The following ZFHX3 variants were observed in gnomAD, a reference collection of about 807,000 sequenced individuals.
ZFHX3 encodes the protein zinc finger homeobox 3.
In ZFHX3, 42 loss-of-function variants were observed where a neutral mutation model predicts 279.1. The ratio of observed to expected loss-of-function variants is 0.15; its 90% CI spans 0.12 to 0.19. The LOEUF is 0.19. Among genes scored for constraint, ZFHX3 ranks in the 10% least tolerant of loss-of-function variants. The pLI is 1.00. For missense variants in ZFHX3, 4,981 were observed against 4,754.0 expected (o/e 1.05, Z -1.40); for synonymous variants, 2,293 against 1,957.8 (o/e 1.17, Z -4.52).
chr16:73,581,432 C>T (rs2143824514), intron 2 of ZFHX3, among the ~76,000 whole-genome samples: 1 of 151,840 alleles, frequency 6.6e-6, no homozygotes. Context: ...CCTTTATTCA[C>T]ATTTGAAACC....
intron 4 of ZFHX3, among the ~76,000 whole-genome samples, chr16:73,311,023 T>C (rs1249711114): frequency 7.0e-6 from 1 of 142,826 alleles, no homozygotes; most frequent in Non-Finnish European, 1.5e-5. Flanking sequence ...ACCTGAGGTC[T>C]GGAGTTTGAG....
chr16:73,204,834 A>T (rs746207448), intron 5 of ZFHX3, among the ~76,000 whole-genome samples: 4 of 152,306 alleles, frequency 2.6e-5, no homozygotes, highest in Non-Finnish European at 5.9e-5. Flanking sequence ...GGCTTTCCTC[A>T]TTTTAAAGAG....
chr16:73,626,200 A>T (rs2052415050), intron 2 of ZFHX3, among the ~76,000 whole-genome samples: 1 of 152,282 alleles, frequency 6.6e-6, no homozygotes, highest in South Asian at 2.1e-4. Flanking sequence ...TACATAATAA[A>T]TTTCACACAT....
chr16:73,568,435 A>C (rs1465200386), intron 2 of ZFHX3, among the ~76,000 whole-genome samples: 1 of 152,176 alleles, frequency 6.6e-6, no homozygotes, highest in East Asian at 1.9e-4. Flanking sequence ...CAAAACAGGA[A>C]CATGCATTCC....
intron 3 of ZFHX3, among the ~76,000 whole-genome samples, chr16:72,933,813 CTTTTTTTTTTTT>C (rs71391468): frequency 8.9e-6 from 1 of 112,458 alleles, no homozygotes; most frequent in Non-Finnish European, 2.0e-5. Context: ...TCACAACTTT[CTTTTTTTTTTTT>C]TTTTTTTTTT....
Position 72,958,049 on chromosome 16 carries a change from G to C in ZFHX3, c.2097C>G (p.Gly699=). ...HMKEKHPEPG[G]SCVYCKSGQP... is the part of the protein sequence containing the mutation. ...GCCCGCTTTTGCAGTAGACACAGGA[G>C]CCCCCCGGCTCCGGGTGCTTCTCCT... The change falls in exon 2 of 10, where the codon GGC becomes GGG. Residue 699 remains glycine (G), a synonymous_variant. Coordinates refer to ENST00000268489, the MANE Select transcript of ZFHX3 (RefSeq NM_006885.4). 5 of 1,613,664 alleles carry C rather than the reference G, an allele frequency of 3.1e-6. No individual in the cohort carries two copies. The highest frequency in any genetic ancestry group is 4.2e-6 in the Non-Finnish European group (5 of 1,180,024).
intron 6 of ZFHX3, among the ~76,000 whole-genome samples, chr16:73,135,806 C>T (rs79133847): frequency 0.013 from 1,957 of 152,004 alleles, 40 homozygotes; most frequent in African/African-American, 0.045. Flanking sequence ...ATGGTTTCCA[C>T]GGTCCCTACC....
intron 2 of ZFHX3, among the ~76,000 whole-genome samples, chr16:72,954,819 C>A (rs1961170515): frequency 6.6e-6 from 1 of 152,158 alleles, no homozygotes; most frequent in Non-Finnish European, 1.5e-5. Context: ...AGAAGCAACC[C>A]CACAATCAGT....
chr16:72,788,089 GGCTGCTGCTGCTGCACTTTTTGCT>G lies in ZFHX3; in HGVS notation c.10163_10186del (p.Gln3388_Gln3395del), dbSNP rs780585284. 1.4e-4 allele frequency: 233 copies of G among 1,611,834 alleles called. No individual in the cohort carries two copies. The highest frequency in any genetic ancestry group is 1.8e-4 in the Non-Finnish European group (213 of 1,179,764). On this transcript the variant is annotated inframe_deletion, in exon 10 of 10. Transcript: ENST00000268489. Reference sequence around the variant, plus strand: ...GGGGACTGGGGTTTGGCTTGCTTTGGGCTGCTGCTGCTGCACTTTTTGCTGCTGCTGCTGCTGTAGTTGCCGCTG... The same window carrying G: ...GGGGACTGGGGTTTGGCTTGCTTTGGGCTGCTGCTGCTGTAGTTGCCGCTG...
intron 2 of ZFHX3, among the ~76,000 whole-genome samples, chr16:73,588,705 A>C (rs1438874851): frequency 0.012 from 1,759 of 144,508 alleles, 45 homozygotes; most frequent in African/African-American, 0.045. Context: ...CAAAAAACAA[A>C]ACAAAAAAAA....
chr16:73,383,833 C>T (rs190664501), intron 3 of ZFHX3, among the ~76,000 whole-genome samples: 85 of 152,346 alleles, frequency 5.6e-4, no homozygotes, highest in African/African-American at 1.6e-3. Context: ...CGATGCTGGT[C>T]TTTAACAAAA....
chr16:73,643,036 G>A (rs1244546645), intron 2 of ZFHX3, among the ~76,000 whole-genome samples: 1 of 152,194 alleles, frequency 6.6e-6, no homozygotes, highest in Non-Finnish European at 1.5e-5. Context: ...AAATCCCCCA[G>A]TGTAGCAGTT....
chr16:72,930,826 C>T (rs1022829214), intron 3 of ZFHX3, among the ~76,000 whole-genome samples: 1 of 152,128 alleles, frequency 6.6e-6, no homozygotes, highest in Non-Finnish European at 1.5e-5. Flanking sequence ...ATGCAAAAGA[C>T]TTGTATATGA....
At chr16:73,571,644 T>TA (rs2143807173) in intron 2 of ZFHX3, among the ~76,000 whole-genome samples, 1 of 147,102 alleles carries the variant, frequency 6.8e-6, no homozygotes, top group African/African-American at 2.6e-5. Context: ...AATTAATTTT[T>TA]TTTAAAAAAC....
chr16:73,718,501 T>C (rs1238453702), intron 1 of ZFHX3, among the ~76,000 whole-genome samples: 1 of 152,140 alleles, frequency 6.6e-6, no homozygotes, highest in Non-Finnish European at 1.5e-5. Flanking sequence ...AGGGACAAAT[T>C]TAGAGGGACT....
chr16:73,286,844 C>T (rs1241757313), intron 4 of ZFHX3, among the ~76,000 whole-genome samples: 6 of 61,778 alleles, frequency 9.7e-5, no homozygotes, highest in Admixed American at 3.6e-4. Context: ...GCTGGTGAGT[C>T]GGTGTGTGGG....
At chr16:73,622,023 T>C (rs956111908) in intron 2 of ZFHX3, among the ~76,000 whole-genome samples, 1 of 152,196 alleles carries the variant, frequency 6.6e-6, no homozygotes, top group Non-Finnish European at 1.5e-5. Context: ...TATTTTTCAT[T>C]TTCCCCTTTG....
intron 1 of ZFHX3, among the ~76,000 whole-genome samples, chr16:73,775,018 A>C (rs1345194885): frequency 6.6e-6 from 1 of 151,284 alleles, no homozygotes; most frequent in Admixed American, 6.6e-5. Context: ...GCAGCCATGG[A>C]AATAGTACCC....
chr16:72,892,317 C>T (rs529374315), intron 3 of ZFHX3, among the ~76,000 whole-genome samples: 1 of 152,222 alleles, frequency 6.6e-6, no homozygotes, highest in East Asian at 1.9e-4. Context: ...AAGAACAATC[C>T]CTTCTGCCCC....
Sources: allele counts gnomAD v4.1 joint callset (sites outside exome capture counted in the v4.1 genomes callset), GRCh38; gene constraint gnomAD v4.1.1; transcripts MANE v1.5; gene names NCBI Gene and HGNC (gene_info 2026-07-23, HGNC 2026-07-21).